UIMC1: variants seen among roughly 807,000 people sequenced by gnomAD.
The protein encoded by UIMC1 is ubiquitin interaction motif containing 1, also known as BRCA1-A complex subunit RAP80.
In UIMC1, 42 loss-of-function variants were observed where a neutral mutation model predicts 84.9. The observed-to-expected ratio is 0.49, with a 90% confidence interval of 0.39 to 0.64. The LOEUF (loss-of-function observed/expected upper bound fraction) is 0.64, where lower values mean the gene tolerates loss of function less well. UIMC1 is among the 30% of genes least tolerant of loss of function. The pLI is 0.00. For missense variants in UIMC1, 825 were observed against 847.6 expected, an observed-to-expected ratio of 0.97 and a Z score of 0.33; for synonymous variants, 281 against 293.0, an observed-to-expected ratio of 0.96 and a Z score of 0.42.
chr5:176,986,787 C>T (rs1169814653), intron 1 of UIMC1, among the ~76,000 whole-genome samples: 2 of 152,054 alleles, frequency 1.3e-5, no homozygotes, highest in African/African-American at 4.8e-5. Context: ...CTGCTTTAAT[C>T]ATTGAACATT....
intron 2 of UIMC1, among the ~76,000 whole-genome samples, chr5:176,975,720 TCAGA>T (rs1169748740): frequency 6.6e-6 from 1 of 152,216 alleles, no homozygotes; most frequent in Non-Finnish European, 1.5e-5. Context: ...ATATAAACAG[TCAGA>T]CAAAAACTAG....
At chr5:176,942,866 C>A (rs1020459072) in intron 10 of UIMC1, among the ~76,000 whole-genome samples, 1 of 151,502 alleles carries the variant, frequency 6.6e-6, no homozygotes, top group Non-Finnish European at 1.5e-5. Context: ...AGCAGCCTGG[C>A]CAACATGGCG....
intron 10 of UIMC1, among the ~76,000 whole-genome samples, chr5:176,942,348 A>C (rs1764539260): frequency 6.6e-6 from 1 of 152,190 alleles, no homozygotes; most frequent in African/African-American, 2.4e-5. Flanking sequence ...GTTCCACAGG[A>C]ATCTCAATAT....
At chr5:176,926,172 G>A (rs910445712) in intron 10 of UIMC1, among the ~76,000 whole-genome samples, 3 of 151,984 alleles carry the variant, frequency 2.0e-5, no homozygotes, top group Admixed American at 6.6e-5. Flanking sequence ...TAGATGCAAC[G>A]TATGATGCTT....
intron 2 of UIMC1, among the ~76,000 whole-genome samples, chr5:176,978,251 T>C (rs111740232): frequency 1.1e-4 from 16 of 152,054 alleles, no homozygotes; most frequent in African/African-American, 3.1e-4. Context: ...CAGGCGCCTG[T>C]AGTCCCAGCT....
At chr5:176,956,297 G>A (rs985859480) in intron 7 of UIMC1, among the ~76,000 whole-genome samples, 8 of 152,158 alleles carry the variant, frequency 5.3e-5, no homozygotes, top group Non-Finnish European at 8.8e-5. Flanking sequence ...ACAAAGGAAG[G>A]TTGAAGGGTG....
chr5:176,986,789 T>C (rs971254061), intron 1 of UIMC1, among the ~76,000 whole-genome samples: 22 of 152,198 alleles, frequency 1.4e-4, no homozygotes, highest in African/African-American at 4.1e-4. Context: ...GCTTTAATCA[T>C]TGAACATTAT....
chr5:176,980,490 T>C (rs1770867487), intron 2 of UIMC1, among the ~76,000 whole-genome samples: 1 of 152,126 alleles, frequency 6.6e-6, no homozygotes. Context: ...AAATTTTTTT[T>C]CCGAGGACAC....
chr5:176,932,789 C>T (rs1005031474), intron 10 of UIMC1, among the ~76,000 whole-genome samples: 1 of 152,044 alleles, frequency 6.6e-6, no homozygotes, highest in Non-Finnish European at 1.5e-5. Flanking sequence ...CCTGCTGACC[C>T]CCGGTGACCA....
intron 2 of UIMC1, among the ~76,000 whole-genome samples, chr5:176,977,013 A>G (rs1262668215): frequency 6.6e-6 from 1 of 152,130 alleles, no homozygotes; most frequent in African/African-American, 2.4e-5. Flanking sequence ...ACCTGAGGTC[A>G]GGAGGTCGAG....
rs73341852 is a variant in UIMC1 at position 176,942,299 on chromosome 5, G to C, written c.1597+1036C>G. On this transcript the variant is annotated intron_variant, in intron 10 of 14. Transcript: ENST00000511320. ...ACAAAAAGAGGGAAAAAACCTACAA[G>C]GGGTTTATTCTGAATGAAAAACGTG... 9.3e-3 allele frequency among the ~76,000 whole-genome samples: 1,417 copies of C among 152,140 alleles called. 24 individuals are homozygous for C. The highest frequency in any genetic ancestry group is 0.032 in the African/African-American group (1,327 of 41,480).
intron 10 of UIMC1, among the ~76,000 whole-genome samples, chr5:176,913,749 G>A (rs985437017): frequency 6.6e-5 from 10 of 152,230 alleles, no homozygotes; most frequent in Non-Finnish European, 1.3e-4. Context: ...GGCTGAGGCG[G>A]GCAGATCACT....
chr5:176,942,254 A>C (rs979046577), intron 10 of UIMC1, among the ~76,000 whole-genome samples: 129 of 152,296 alleles, frequency 8.5e-4, no homozygotes, highest in African/African-American at 3.0e-3. Flanking sequence ...CTCTAGGTAA[A>C]ATTTCTATTA....
intron 1 of UIMC1, among the ~76,000 whole-genome samples, chr5:177,013,052 G>A (rs952673953): frequency 7.9e-5 from 12 of 150,946 alleles, no homozygotes; most frequent in African/African-American, 2.7e-4. Flanking sequence ...TTGCACTCTA[G>A]CCTGGGTGAC....
chr5:176,972,629 G>A (rs1031387919), intron 3 of UIMC1, among the ~76,000 whole-genome samples: 1 of 151,874 alleles, frequency 6.6e-6, no homozygotes, highest in Admixed American at 6.6e-5. Flanking sequence ...CCAGCTACTC[G>A]GGAGGCTGAG....
chr5:177,001,489 T>G (rs575003073), intron 1 of UIMC1: 1 of 152,310 alleles, frequency 6.6e-6, no homozygotes, highest in African/African-American at 2.4e-5. Context: ...GGTTGTTGTT[T>G]TTTTTCTTCA....
Position 176,943,421 on chromosome 5 carries a change from G to T in UIMC1, c.1511C>A (p.Ser504Tyr). ...ISTFSSSNQV[S>Y]CPLCDQCFPP... The stretch of plus-strand genomic sequence containing the variant: ...AAAGCATTGGTCACATAGCGGGCAG[G>T]ATACCTGGTTACTGGATGAGAAGGT... The change falls in exon 10 of 15, where the codon TCC becomes TAC. Residue 504 changes from serine (S) to tyrosine (Y), a missense_variant. Ser to Tyr is a moderately radical substitution (Grantham distance 144). Coordinates refer to ENST00000511320, the MANE Select transcript of UIMC1 (RefSeq NM_001199298.2). 1 of 1,614,178 alleles carries T rather than the reference G, an allele frequency of 6.2e-7. No individual in the cohort carries two copies. The highest frequency in any genetic ancestry group is 8.5e-7 in the Non-Finnish European group (1 of 1,180,032).
Position 176,951,580 on chromosome 5 carries a change from G to A in UIMC1, c.1340-3C>T. 1.3e-6 allele frequency: 2 copies of A among 1,554,342 alleles called. No individual in the cohort carries two copies. Among genetic ancestry groups the A allele is most frequent in the Non-Finnish European group, 1.7e-6 (2 of 1,156,880 alleles). On this transcript the variant is annotated splice_region_variant and splice_polypyrimidine_tract_variant and intron_variant, in intron 8 of 14. Transcript: ENST00000511320. ...TTCAGAGGAACTTAGCTGGGTCTCT[G>A]TAATTTAAAAAAGTTAAAATCCCAT...
chr5:177,016,773 A>G (rs1042706232), intron 1 of UIMC1, among the ~76,000 whole-genome samples: 2 of 152,012 alleles, frequency 1.3e-5, no homozygotes, highest in African/African-American at 4.8e-5. Context: ...CTGTAATCCC[A>G]GAACTTTGGG....
Sources: allele counts gnomAD v4.1 joint callset (sites outside exome capture counted in the v4.1 genomes callset), GRCh38; gene constraint gnomAD v4.1.1; transcripts MANE v1.5; gene names NCBI Gene and HGNC (gene_info 2026-07-23, HGNC 2026-07-21).